Variants in MAPT observed in about 807,000 individuals in gnomAD.
MAPT encodes microtubule-associated protein tau.
Under a neutral mutation model 67.9 loss-of-function variants are expected in MAPT, and 34 were observed. The observed-to-expected ratio is 0.50, with a 90% confidence interval of 0.38 to 0.67. The LOEUF (loss-of-function observed/expected upper bound fraction) is 0.67, where lower values mean the gene tolerates loss of function less well. Ranked by LOEUF, MAPT falls within the 30% of genes least tolerant of loss-of-function variation. MAPT has a pLI of 0.00. For missense variants in MAPT, 881 were observed against 1,115.2 expected, an observed-to-expected ratio of 0.79 and a Z score of 2.99; for synonymous variants, 456 against 464.5, an observed-to-expected ratio of 0.98 and a Z score of 0.23.
Position 45,983,077 on chromosome 17 carries a change from C to T in MAPT, c.498C>T (p.Gly166=). 4.2e-5 allele frequency: 65 copies of T among 1,537,894 alleles called. No homozygotes were observed. The highest frequency in any genetic ancestry group is 5.7e-5 in the Non-Finnish European group (65 of 1,138,056). The change falls in exon 5 of 13, where the codon GGC becomes GGT. Residue 166 remains glycine, a synonymous_variant. Transcript: ENST00000262410. Reference sequence around the variant, plus strand: ...GCCCAGCGCCTCCTCCAACAGGAGGCCCTCAGGAGCCCTCCCTGGAGTGGG... The same window carrying T: ...GCCCAGCGCCTCCTCCAACAGGAGGTCCTCAGGAGCCCTCCCTGGAGTGGG... ...PVCPAPPPTG[G]PQEPSLEWGQ...
chr17:45,924,447 C>T (rs373500054), intron 1 of MAPT, among the ~76,000 whole-genome samples: 4 of 152,342 alleles, frequency 2.6e-5, no homozygotes, highest in South Asian at 2.1e-4. Flanking sequence ...TCCCGGCCTC[C>T]ACTCCTCTTT....
At chr17:45,941,673 C>CCTTCCCCCCTTCCTT (rs1568207299) in intron 1 of MAPT, among the ~76,000 whole-genome samples, 3 of 28,502 alleles carry the variant, frequency 1.1e-4, no homozygotes, top group Middle Eastern at 0.018. Flanking sequence ...CCCCCTTCCC[C>CCTTCCCCCCTTCCTT]CCTTCCCTCC....
At chr17:45,963,768 G>A (rs138588614) in intron 2 of MAPT, among the ~76,000 whole-genome samples, 4 of 152,320 alleles carry the variant, frequency 2.6e-5, no homozygotes, top group Non-Finnish European at 5.9e-5. Flanking sequence ...GGTCCCCTGA[G>A]TGTGGGAAGC....
intron 6 of MAPT, 61 bp downstream of exon 6, chr17:45,987,156 A>T: frequency 1.4e-6 from 2 of 1,461,384 alleles, no homozygotes; most frequent in Non-Finnish European, 1.9e-6. Flanking sequence ...GCTGTGCTTT[A>T]TGTCTGATTC....
At chr17:45,998,535 A>G (rs1078268) in intron 9 of MAPT, among the ~76,000 whole-genome samples, 22,052 of 152,168 alleles carry the variant, frequency 0.14, 2,140 homozygotes, top group Non-Finnish European at 0.22. Context: ...AAGGAAGAGA[A>G]CATCTCAGAA....
intron 11 of MAPT, among the ~76,000 whole-genome samples, chr17:46,014,745 G>A (rs2076047525): frequency 6.6e-6 from 1 of 152,072 alleles, no homozygotes; most frequent in Non-Finnish European, 1.5e-5. Flanking sequence ...GTGGTGGTGG[G>A]CGCCTGTAGT....
Position 45,983,914 on chromosome 17 carries a change from G to C in MAPT, c.1335G>C (p.Arg445=). Residue 445 remains arginine (R), a synonymous_variant, in exon 5 of 13, where the codon CGG becomes CGC. Coordinates refer to ENST00000262410, the MANE Select transcript of MAPT (RefSeq NM_001377265.1). ...CTCCGCGGGGGAAGCCCGTCAGCCG[G>C]GTCCCTCAACTCAAAGGTCTGTGTC... The part of the protein sequence containing the change: ...AAAPRGKPVS[R]VPQLKARMVS... The C allele has an allele frequency of 6.4e-7, 1 of 1,572,626 alleles. No homozygotes were observed. Among genetic ancestry groups the C allele is most frequent in the Non-Finnish European group, 8.6e-7 (1 of 1,163,514 alleles).
At position 45,991,504 on chromosome 17, in the gene MAPT, C is replaced by A. The variant is rs756506088; in HGVS notation, c.1650C>A (p.Ala550=). 1.9e-6 allele frequency: 3 copies of A among 1,614,178 alleles called. No individual in the cohort carries two copies. The South Asian group carries it at 3.3e-5, about 18-fold the overall frequency. The change falls in exon 8 of 13, where the codon GCC becomes GCA. Residue 550 remains alanine, a synonymous_variant. Transcript: ENST00000262410. ...AGATCGCCACACCGCGGGGAGCAGCCCCTCCAGGCCAGAAGGGCCAGGCCA... is the reference window on the plus strand; with the variant it reads ...AGATCGCCACACCGCGGGGAGCAGCACCTCCAGGCCAGAAGGGCCAGGCCA... ...KTKIATPRGA[A]PPGQKGQANA... is the part of the protein sequence containing the mutation.
chr17:45,907,738 A>G (rs1328516374), intron 1 of MAPT: 1 of 152,198 alleles, frequency 6.6e-6, no homozygotes, highest in East Asian at 1.9e-4. Context: ...CGCACTCCCC[A>G]TTGGTCCAAA....
At chr17:45,993,677 G>A (rs1344821569) in intron 8 of MAPT, among the ~76,000 whole-genome samples, 1 of 152,192 alleles carries the variant, frequency 6.6e-6, no homozygotes, top group African/African-American at 2.4e-5. Flanking sequence ...GCCTCCCAAA[G>A]TGCTGGGATT....
At chr17:45,960,168 A>G (rs889182011) in intron 1 of MAPT, among the ~76,000 whole-genome samples, 1 of 152,258 alleles carries the variant, frequency 6.6e-6, no homozygotes, top group African/African-American at 2.4e-5. Context: ...ATTCATTAGA[A>G]GTCAAGCCCT....
At chr17:46,005,857 G>C (rs1419176059) in intron 9 of MAPT, among the ~76,000 whole-genome samples, 1 of 152,216 alleles carries the variant, frequency 6.6e-6, no homozygotes, top group African/African-American at 2.4e-5. Flanking sequence ...CTGTAGCCTT[G>C]AGGACAGCCC....
At chr17:46,005,740 C>T (rs943696141) in intron 9 of MAPT, among the ~76,000 whole-genome samples, 10 of 152,226 alleles carry the variant, frequency 6.6e-5, no homozygotes, top group Admixed American at 3.9e-4. Context: ...CCACCTCCTT[C>T]CGCAGCTCCA....
At chr17:45,927,349 C>G (rs2066438390) in intron 1 of MAPT, among the ~76,000 whole-genome samples, 1 of 152,116 alleles carries the variant, frequency 6.6e-6, no homozygotes, top group Non-Finnish European at 1.5e-5. Flanking sequence ...AGTCAAGACT[C>G]CCAGGGTCAA....
In MAPT at chr17:45,983,600, C is replaced by T. The variant is rs773067042; in HGVS notation, c.1021C>T (p.Pro341Ser). The T allele has an allele frequency of 6.2e-7, 1 of 1,613,412 alleles. No homozygotes were observed. ...IPGFPAEGAI[P>S]LPVDFLSKVS... ...AGGCTTCCCAGCGGAGGGTGCCATC[C>T]CCCTCCCTGTGGATTTCCTCTCCAA... Residue 341 changes from proline to serine, a missense_variant, in exon 5 of 13, where the codon CCC (proline) becomes TCC (serine). Around this residue, in one of 6 missense-constraint regions of MAPT, gnomAD observed 687 missense variants for 766.1 expected, o/e 0.90. Coordinates refer to ENST00000262410, the MANE Select transcript of MAPT (RefSeq NM_001377265.1).
At chr17:45,939,105 T>C (rs572329978) in intron 1 of MAPT, among the ~76,000 whole-genome samples, 25 of 152,200 alleles carry the variant, frequency 1.6e-4, no homozygotes, top group African/African-American at 5.1e-4. Context: ...TAAGCCAACA[T>C]GCCCGGCCCC....
intron 1 of MAPT, among the ~76,000 whole-genome samples, chr17:45,921,395 C>T (rs562207535): frequency 6.6e-5 from 10 of 152,206 alleles, no homozygotes; most frequent in Admixed American, 3.3e-4. Context: ...GCATTCCCCA[C>T]GCACATTAGC....
intron 1 of MAPT, among the ~76,000 whole-genome samples, chr17:45,924,222 C>G (rs1019730351): frequency 6.6e-6 from 1 of 152,044 alleles, no homozygotes; most frequent in Non-Finnish European, 1.5e-5. Context: ...GATGGCAAAA[C>G]CAGAACACAG....
At chr17:45,912,535 A>G (rs2064868870) in intron 1 of MAPT, among the ~76,000 whole-genome samples, 1 of 152,234 alleles carries the variant, frequency 6.6e-6, no homozygotes, top group South Asian at 2.1e-4. Context: ...AGAAAAGTCC[A>G]GGAACCAATT....
Sources: allele counts gnomAD v4.1 joint callset (sites outside exome capture counted in the v4.1 genomes callset), GRCh38; gene constraint gnomAD v4.1.1; regional missense constraint gnomAD v4.1.1; transcripts MANE v1.5; gene names NCBI Gene and HGNC (gene_info 2026-07-23, HGNC 2026-07-21).